DHX35: variants seen among roughly 807,000 people sequenced by gnomAD.
DHX35 encodes DEAH-box helicase 35.
DHX35 carries 84 observed loss-of-function variants against 99.6 expected under a neutral mutation model. That is an observed-to-expected ratio of 0.84 (90% CI 0.71 to 1.01). The LOEUF (loss-of-function observed/expected upper bound fraction) is 1.01. DHX35 is among the 50% of genes least tolerant of loss of function. The pLI is 0.00. For synonymous variants in DHX35, 331 were observed against 316.2 expected (o/e 1.05, Z -0.50); for missense variants, 852 against 888.5 (o/e 0.96, Z 0.52).
At position 38,988,885 on chromosome 20, in the gene DHX35, G is replaced by T. The variant is rs2086290284; in HGVS notation, c.418G>T (p.Asp140Tyr). The stretch of plus-strand genomic sequence containing the variant: ...GGTGGGCTACTGCATCCGCTTTGAT[G>T]ACTGCACCGACCAGCTGGCCACGAG... ...HEVGYCIRFD[D>Y]CTDQLATRIK... is the part of the protein sequence containing the mutation. Residue 140 changes from aspartate to tyrosine, a missense_variant, in exon 5 of 22, where the codon GAC becomes TAC. Asp to Tyr is a radical substitution (Grantham distance 160). Transcript: ENST00000252011. 5.0e-6 allele frequency: 8 copies of T among 1,613,666 alleles called. No homozygotes were observed. The highest frequency in any genetic ancestry group is 1.1e-5 in the South Asian group (1 of 91,060).
chr20:39,028,912 C>G (rs1282320483), intron 19 of DHX35, among the ~76,000 whole-genome samples: 1 of 152,202 alleles, frequency 6.6e-6, no homozygotes, highest in African/African-American at 2.4e-5. Flanking sequence ...GTGGCCACGT[C>G]TGGTGTCTTT....
chr20:39,011,677 T>C (rs141721079), intron 13 of DHX35, among the ~76,000 whole-genome samples: 1 of 152,344 alleles, frequency 6.6e-6, no homozygotes, highest in African/African-American at 2.4e-5. Context: ...GTACTTCTTA[T>C]ATTTGGGTCA....
chr20:39,025,442 T>C, intron 18 of DHX35, 83 bp downstream of exon 18: 2 of 1,538,358 alleles, frequency 1.3e-6, no homozygotes, highest in Non-Finnish European at 1.8e-6. Flanking sequence ...GCTGGGCTGG[T>C]GCGAGGCAGT....
chr20:39,003,811 G>A lies in DHX35; in HGVS notation c.915G>A (p.Gly305=), dbSNP rs2086565555. 6.2e-7 allele frequency: 1 copy of A among 1,614,232 alleles called. No individual in the cohort carries two copies. The highest frequency in any genetic ancestry group is 8.5e-7 in the Non-Finnish European group (1 of 1,180,052). ...AGGCTCGAGCACTAGCTCGCACTGGGATGAAGAGACACCTCCGAGTTCTCC... is the reference window on the plus strand; with the variant it reads ...AGGCTCGAGCACTAGCTCGCACTGGAATGAAGAGACACCTCCGAGTTCTCC... ...IEQARALART[G]MKRHLRVLPM... is the part of the protein sequence containing the mutation. The change falls in exon 11 of 22, where the codon GGG becomes GGA. Residue 305 remains glycine, a synonymous_variant. Coordinates refer to ENST00000252011, the MANE Select transcript of DHX35 (RefSeq NM_021931.4).
In DHX35 at chr20:39,034,291, G is replaced by A; in HGVS notation, c.2041G>A (p.Ala681Thr). The A allele has an allele frequency of 1.2e-6, 2 of 1,614,146 alleles. No homozygotes were observed. Among genetic ancestry groups the A allele is most frequent in the East Asian group, 4.5e-5 (2 of 44,888 alleles). Residue 681 changes from alanine (A) to threonine (T), a missense_variant, in exon 21 of 22, where the codon GCT becomes ACT. Ala to Thr is a moderately conservative substitution (Grantham distance 58). Coordinates refer to ENST00000252011, the MANE Select transcript of DHX35 (RefSeq NM_021931.4). ...AIESAWLLEL[A>T]PHFYQQGTHL... ...TGAATCGGCCTGGCTGTTGGAGCTG[G>A]CTCCACACTTTTATCAACAAGGAAC...
intron 11 of DHX35, among the ~76,000 whole-genome samples, chr20:39,004,889 C>T (rs67084722): frequency 0.34 from 51,352 of 151,952 alleles, 8,788 homozygotes; most frequent in Middle Eastern, 0.52. Flanking sequence ...GTGCTCAGCC[C>T]CTTGACCATT....
chr20:38,986,659 C>T (rs532142399), intron 4 of DHX35, among the ~76,000 whole-genome samples: 3 of 152,230 alleles, frequency 2.0e-5, no homozygotes, highest in Admixed American at 6.5e-5. Context: ...TATAATATAA[C>T]GACATGTAGG....
chr20:38,971,492 A>C (rs2085996196), intron 2 of DHX35, among the ~76,000 whole-genome samples: 1 of 150,802 alleles, frequency 6.6e-6, no homozygotes, highest in South Asian at 2.1e-4. Context: ...GACAATAGTG[A>C]CTCTATCTTG....
At chr20:38,963,601 C>T (rs949704071) in intron 1 of DHX35, among the ~76,000 whole-genome samples, 1 of 152,140 alleles carries the variant, frequency 6.6e-6, no homozygotes, top group African/African-American at 2.4e-5. Flanking sequence ...CTTTTAGTAA[C>T]AGGTGAAAGT....
chr20:39,016,832 T>G (rs1402844059), intron 14 of DHX35, among the ~76,000 whole-genome samples: 1 of 152,124 alleles, frequency 6.6e-6, no homozygotes, highest in Non-Finnish European at 1.5e-5. Context: ...GAAAAGTCTG[T>G]TCAAATCCTT....
At chr20:38,997,735 C>T (rs59509019) in intron 8 of DHX35, among the ~76,000 whole-genome samples, 3,000 of 151,814 alleles carry the variant, frequency 0.02, 109 homozygotes, top group African/African-American at 0.069. Context: ...GAGGGGCCTA[C>T]GTGAGGTATG....
chr20:39,020,152 A>C (rs2086850058), intron 15 of DHX35, among the ~76,000 whole-genome samples: 2 of 152,204 alleles, frequency 1.3e-5, no homozygotes, highest in Admixed American at 1.3e-4. Flanking sequence ...TCATCCAGTG[A>C]ATGGACACTT....
intron 3 of DHX35, among the ~76,000 whole-genome samples, chr20:38,977,069 C>G (rs1012561465): frequency 1.3e-5 from 2 of 152,112 alleles, no homozygotes; most frequent in Non-Finnish European, 2.9e-5. Flanking sequence ...GTGTACATGT[C>G]TCTTTGATGT....
chr20:39,018,926 G>T (rs1406357536), intron 15 of DHX35, 27 bp downstream of exon 15: 1 of 1,611,090 alleles, frequency 6.2e-7, no homozygotes, highest in Non-Finnish European at 8.5e-7. Flanking sequence ...AGCTTGAATT[G>T]ATTTTATTTT....
At chr20:39,001,988 C>G in intron 9 of DHX35, 146 bp downstream of exon 9, 1 of 737,142 alleles carries the variant, frequency 1.4e-6, no homozygotes, top group Non-Finnish European at 2.4e-6. Context: ...ATGTTCTTAC[C>G]CTGCTCCGGA....
chr20:38,983,804 T>G (rs2086209316), intron 4 of DHX35, 28 bp downstream of exon 4: 1 of 1,586,754 alleles, frequency 6.3e-7, no homozygotes, highest in South Asian at 1.1e-5. Context: ...TTGGAAAGAT[T>G]CTATCTGTGT....
intron 8 of DHX35, among the ~76,000 whole-genome samples, chr20:38,998,634 G>A (rs1290582160): frequency 6.6e-6 from 1 of 152,142 alleles, no homozygotes; most frequent in Non-Finnish European, 1.5e-5. Context: ...TCTTTTCTGG[G>A]TGTGTTGAAC....
Position 38,965,922 on chromosome 20 carries a change from G to C in DHX35, c.41-3159G>C, listed in dbSNP as rs74371280. ...TGTGCATGACGAAAACTTTACAATAGGTTTTAAGCTTTTTTTGACTTGACC... is the reference window on the plus strand; with the variant it reads ...TGTGCATGACGAAAACTTTACAATACGTTTTAAGCTTTTTTTGACTTGACC... On this transcript the variant is annotated intron_variant, in intron 1 of 21. Transcript: ENST00000252011. Among the ~76,000 whole-genome samples the C allele has an allele frequency of 6.1e-3, 928 of 152,250 alleles. 12 individuals are homozygous for C. Among genetic ancestry groups the C allele is most frequent in the African/African-American group, 0.019 (805 of 41,542 alleles).
chr20:39,002,163 G>A (rs2086531397), intron 9 of DHX35, among the ~76,000 whole-genome samples: 1 of 152,220 alleles, frequency 6.6e-6, no homozygotes, highest in South Asian at 2.1e-4. Context: ...AGCAGGGGCA[G>A]TATTGGTGAT....
Sources: gnomAD v4.1 joint callset for allele counts (sites outside exome capture counted in the v4.1 genomes callset) on GRCh38, gnomAD v4.1.1 for gene constraint, MANE v1.5 for transcripts, NCBI Gene and HGNC (gene_info 2026-07-23, HGNC 2026-07-21) for gene names.